The following LINGO2 variants were observed in gnomAD, a reference collection of about 807,000 sequenced individuals.
LINGO2 encodes the protein leucine rich repeat and Ig domain containing 2.
Under a neutral mutation model 30.6 loss-of-function variants are expected in LINGO2, and 14 were observed. The observed-to-expected ratio is 0.46, with a 90% CI of 0.30 to 0.72. LINGO2 has a LOEUF of 0.72. LINGO2 is among the 30% of genes least tolerant of loss of function. LINGO2 has a pLI of 0.07. For missense variants in LINGO2, 729 were observed against 751.7 expected (o/e 0.97, Z 0.35); for synonymous variants, 317 against 288.5 (o/e 1.10, Z -1.00).
At chr9:28,645,672 T>G (rs2135951434) in intron 1 of LINGO2, among the ~76,000 whole-genome samples, 1 of 152,234 alleles carries the variant, frequency 6.6e-6, no homozygotes, top group East Asian at 1.9e-4. Flanking sequence ...ATTGATGTGT[T>G]AGAAGACATA....
intron 3 of LINGO2, among the ~76,000 whole-genome samples, chr9:28,337,289 TA>T (rs1392933640): frequency 1.3e-5 from 2 of 151,768 alleles, no homozygotes; most frequent in African/African-American, 4.8e-5. Flanking sequence ...CCCTCCAAAT[TA>T]AAATAAAAAA....
the LINGO2 span, among the ~76,000 whole-genome samples, chr9:28,708,914 C>G: frequency 6.6e-6 from 1 of 152,034 alleles, no homozygotes; most frequent in African/African-American, 2.4e-5. Flanking sequence ...TTTATGTTTT[C>G]TTGTTCAGAT....
intron 2 of LINGO2, among the ~76,000 whole-genome samples, chr9:28,416,046 T>TA (rs894007251): frequency 6.6e-6 from 1 of 152,092 alleles, no homozygotes; most frequent in Admixed American, 6.6e-5. Flanking sequence ...TTCATTTGTA[T>TA]AAAAAAACTG....
At chr9:29,115,240 T>C in the LINGO2 span, among the ~76,000 whole-genome samples, 2 of 152,082 alleles carry the variant, frequency 1.3e-5, no homozygotes, top group Admixed American at 6.6e-5. Context: ...TCAACTCACT[T>C]ATTTTTAGGT....
At chr9:29,132,648 C>T in the LINGO2 span, among the ~76,000 whole-genome samples, 1 of 152,134 alleles carries the variant, frequency 6.6e-6, no homozygotes, top group African/African-American at 2.4e-5. Context: ...TAAATCTGTG[C>T]TTTCCTTGCT....
intron 2 of LINGO2, among the ~76,000 whole-genome samples, chr9:28,404,485 T>C (rs964816386): frequency 2.0e-5 from 3 of 152,186 alleles, no homozygotes; most frequent in East Asian, 1.9e-4. Flanking sequence ...AAAAAGAATA[T>C]TCTGTCAGAA....
intron 2 of LINGO2, among the ~76,000 whole-genome samples, chr9:28,397,355 G>GTATATATATA (rs3069833): frequency 1.5e-5 from 2 of 129,138 alleles, no homozygotes; most frequent in African/African-American, 2.9e-5. Flanking sequence ...ATGTTTTGAA[G>GTATATATATA]TATATATATA....
intron 4 of LINGO2, among the ~76,000 whole-genome samples, chr9:28,127,492 T>G (rs1322445061): frequency 6.6e-6 from 1 of 152,208 alleles, no homozygotes; most frequent in Admixed American, 6.5e-5. Flanking sequence ...TAAAGAACTT[T>G]CCTTGAGGAG....
the LINGO2 span, among the ~76,000 whole-genome samples, chr9:28,902,418 T>C: frequency 6.6e-6 from 1 of 152,040 alleles, no homozygotes; most frequent in East Asian, 1.9e-4. Context: ...GAGGGGGAGA[T>C]AGAATTAAAT....
intron 4 of LINGO2, among the ~76,000 whole-genome samples, chr9:28,210,312 A>G (rs1306277773): frequency 6.6e-6 from 1 of 151,644 alleles, no homozygotes; most frequent in Non-Finnish European, 1.5e-5. Context: ...TCCCTAGACC[A>G]CAGATTTGTG....
At chr9:28,790,170 T>C in the LINGO2 span, among the ~76,000 whole-genome samples, 9 of 152,158 alleles carry the variant, frequency 5.9e-5, no homozygotes, top group Admixed American at 5.2e-4. Flanking sequence ...CATCCCTTTG[T>C]CCAGAGTATT....
the LINGO2 span, among the ~76,000 whole-genome samples, chr9:28,979,525 C>T: frequency 6.6e-6 from 1 of 152,048 alleles, no homozygotes; most frequent in Admixed American, 6.6e-5. Flanking sequence ...CACAGACCCA[C>T]ACACACACGT....
intron 2 of LINGO2, among the ~76,000 whole-genome samples, chr9:28,441,133 G>A (rs948328938): frequency 5.3e-5 from 8 of 151,866 alleles, no homozygotes; most frequent in Admixed American, 3.9e-4. Context: ...GCAGCACAAA[G>A]GCCTTCACCA....
At chr9:28,942,983 T>A in the LINGO2 span, among the ~76,000 whole-genome samples, 5 of 152,114 alleles carry the variant, frequency 3.3e-5, no homozygotes, top group African/African-American at 1.2e-4. Context: ...CATGTATGCT[T>A]AGGAATAGGA....
At chr9:28,106,613 T>C (rs1252274221) in intron 4 of LINGO2, among the ~76,000 whole-genome samples, 1 of 152,158 alleles carries the variant, frequency 6.6e-6, no homozygotes, top group Non-Finnish European at 1.5e-5. Flanking sequence ...GTCTTACCTG[T>C]TTCTTCCTTC....
chr9:28,127,568 T>C (rs1171497909), intron 4 of LINGO2, among the ~76,000 whole-genome samples: 1 of 152,218 alleles, frequency 6.6e-6, no homozygotes, highest in African/African-American at 2.4e-5. Context: ...GATTGCTGAA[T>C]AGAGGATGCT....
At chr9:28,248,751 T>C (rs1205548711) in intron 4 of LINGO2, among the ~76,000 whole-genome samples, 1 of 152,206 alleles carries the variant, frequency 6.6e-6, no homozygotes, top group Non-Finnish European at 1.5e-5. Flanking sequence ...AACTACTATG[T>C]ATCCAGAAAA....
At chr9:28,425,050 T>A (rs1823348297) in intron 2 of LINGO2, among the ~76,000 whole-genome samples, 2 of 151,922 alleles carry the variant, frequency 1.3e-5, no homozygotes, top group Non-Finnish European at 2.9e-5. Context: ...AAACGGGTTA[T>A]TTTTAAATTT....
At chr9:29,162,677 A>G in the LINGO2 span, among the ~76,000 whole-genome samples, 3 of 152,322 alleles carry the variant, frequency 2.0e-5, no homozygotes, top group East Asian at 5.8e-4. Context: ...AATGTATAAT[A>G]TGAATCAAAC....
Sources: gnomAD v4.1 joint callset for allele counts (sites outside exome capture counted in the v4.1 genomes callset) on GRCh38, gnomAD v4.1.1 for gene constraint, MANE v1.5 for transcripts, NCBI Gene and HGNC (gene_info 2026-07-23, HGNC 2026-07-21) for gene names.